Variants in REPS2 observed in about 807,000 individuals in gnomAD.
The protein encoded by REPS2 is ralBP1-associated Eps domain-containing protein 2.
In REPS2, 23 loss-of-function variants were observed where a neutral mutation model predicts 53.6. The observed-to-expected ratio is 0.43, with a 90% CI of 0.31 to 0.61. The LOEUF (loss-of-function observed/expected upper bound fraction) is 0.61, where lower values mean the gene tolerates loss of function less well. REPS2 is among the 20% of genes least tolerant of loss of function. The pLI is 0.11. For synonymous variants in REPS2, 238 were observed against 218.6 expected, an observed-to-expected ratio of 1.09 and a Z score of -0.78; for missense variants, 446 against 534.9, an observed-to-expected ratio of 0.83 and a Z score of 1.64.
chrX:17,189,488 T>C, the REPS2 span, among the ~76,000 whole-genome samples: 1 of 110,853 alleles, frequency 9.0e-6, no homozygotes, highest in Non-Finnish European at 1.9e-5. Flanking sequence ...GGTTTCGTCA[T>C]GTTGCCCAGG....
At chrX:16,991,587 A>G in intron 1 of REPS2, among the ~76,000 whole-genome samples, 1 of 111,493 alleles carries the variant, frequency 9.0e-6, no homozygotes, top group Non-Finnish European at 1.9e-5. Context: ...ATGTGACCTT[A>G]TTTGGAAAGA....
intron 1 of REPS2, among the ~76,000 whole-genome samples, chrX:16,977,421 A>G (rs1016740992): frequency 9.0e-6 from 1 of 111,230 alleles, no homozygotes; most frequent in Non-Finnish European, 1.9e-5. Flanking sequence ...ACCAAAGGCC[A>G]TGTAATGACA....
intron 17 of REPS2, among the ~76,000 whole-genome samples, chrX:17,139,555 A>G (rs1017697098): frequency 2.7e-5 from 3 of 111,393 alleles, no homozygotes; most frequent in Non-Finnish European, 5.7e-5. Context: ...CTATAACAAA[A>G]TACTACAAAT....
chrX:17,125,228 G>C (rs1213655200), intron 14 of REPS2, among the ~76,000 whole-genome samples: 1 of 110,963 alleles, frequency 9.0e-6, no homozygotes, highest in African/African-American at 3.3e-5. Context: ...TACTGCTGAA[G>C]ATTTTGCCCA....
intron 1 of REPS2, among the ~76,000 whole-genome samples, chrX:16,969,775 AGAGGGAGAGAG>A (rs2060859755): frequency 1.5e-5 from 1 of 68,541 alleles, no homozygotes; most frequent in Admixed American, 1.8e-4. Context: ...GGAGAGAGGG[AGAGGGAGAGAG>A]GGAGAGGGAG....
rs1448675754 is a variant in REPS2 at position 17,152,462 on chromosome X, T to C, written c.*4981T>C. ...ATACTCTGGTCTTGCTGTAAGCTAA[T>C]GTCATGGCTGTGGGATATTAGAGAA... On this transcript the variant is annotated 3_prime_UTR_variant, in exon 18 of 18. Coordinates refer to ENST00000357277, the MANE Select transcript of REPS2 (RefSeq NM_004726.3). The C allele has an allele frequency of 1.8e-5, 2 of 112,386 alleles. No individual in the cohort carries two copies. The highest frequency in any genetic ancestry group is 3.8e-5 in the Non-Finnish European group (2 of 53,258). The allele number at this position is 112,386 out of a possible 1,213,427, so 9.3% of individuals were successfully genotyped here. A position where few individuals can be genotyped will look rare whatever the true frequency, so the allele number is the denominator to read the frequency against.
intron 1 of REPS2, among the ~76,000 whole-genome samples, chrX:16,956,094 A>G (rs2060588829): frequency 9.0e-6 from 1 of 111,102 alleles, no homozygotes; most frequent in African/African-American, 3.3e-5. Flanking sequence ...AGCAGATGCA[A>G]ATGCCCTGCC....
chrX:17,031,430 A>G (rs2061707641), intron 5 of REPS2, among the ~76,000 whole-genome samples: 1 of 111,966 alleles, frequency 8.9e-6, no homozygotes, highest in African/African-American at 3.3e-5. Flanking sequence ...TTTTCTGCTG[A>G]CAAACATGCT....
intron 8 of REPS2, among the ~76,000 whole-genome samples, chrX:17,056,813 A>G: frequency 8.9e-6 from 1 of 112,665 alleles, no homozygotes; most frequent in Non-Finnish European, 1.9e-5. Flanking sequence ...AGATGAAGAT[A>G]TAGAATATTC....
At chrX:17,018,203 G>T (rs1261134089) in intron 2 of REPS2, among the ~76,000 whole-genome samples, 3 of 75,060 alleles carry the variant, frequency 4.0e-5, no homozygotes, top group African/African-American at 1.5e-4. Context: ...CCCAGATCCT[G>T]GCAACTGCCT....
At chrX:17,178,031 TG>T in the REPS2 span, among the ~76,000 whole-genome samples, 2 of 111,613 alleles carry the variant, frequency 1.8e-5, no homozygotes, top group African/African-American at 6.5e-5. Context: ...AATGTGGGTA[TG>T]GGGATTGTTC....
chrX:17,088,504 T>G (rs751107777), intron 13 of REPS2, among the ~76,000 whole-genome samples: 1 of 111,064 alleles, frequency 9.0e-6, no homozygotes, highest in African/African-American at 3.3e-5. Flanking sequence ...GAATGTCATC[T>G]TGGCCAACTC....
chrX:17,037,504 C>T (rs1206106347), intron 5 of REPS2, among the ~76,000 whole-genome samples: 4 of 112,061 alleles, frequency 3.6e-5, no homozygotes, highest in East Asian at 2.8e-4. Context: ...TTAGTAGAGA[C>T]GGGGTTTCAC....
intron 14 of REPS2, among the ~76,000 whole-genome samples, chrX:17,125,844 G>A (rs985800226): frequency 8.9e-6 from 1 of 112,230 alleles, no homozygotes; most frequent in African/African-American, 3.2e-5. Context: ...TGATTAGATG[G>A]TGCTTTACCA....
chrX:17,036,215 A>G (rs765936167), intron 5 of REPS2, among the ~76,000 whole-genome samples: 1 of 112,616 alleles, frequency 8.9e-6, no homozygotes, highest in African/African-American at 3.2e-5. Flanking sequence ...ATATATGAAA[A>G]TGTCTGTTTT....
At chrX:17,038,698 G>A (rs2061795716) in intron 5 of REPS2, among the ~76,000 whole-genome samples, 1 of 112,227 alleles carries the variant, frequency 8.9e-6, no homozygotes, top group African/African-American at 3.2e-5. Flanking sequence ...TGGGACTTAT[G>A]CTGACGGGTG....
chrX:16,965,712 G>T (rs1350145372), intron 1 of REPS2, among the ~76,000 whole-genome samples: 5 of 112,872 alleles, frequency 4.4e-5, no homozygotes, highest in Non-Finnish European at 7.5e-5. Context: ...TGGGATGGCG[G>T]CTGGGCAGAG....
the REPS2 span, among the ~76,000 whole-genome samples, chrX:17,160,867 G>A: frequency 1.8e-5 from 2 of 111,849 alleles, no homozygotes; most frequent in East Asian, 2.8e-4. Flanking sequence ...AAAACATAAT[G>A]TCTTTAACTG....
the REPS2 span, among the ~76,000 whole-genome samples, chrX:17,187,254 C>G: frequency 9.0e-6 from 1 of 111,159 alleles, no homozygotes; most frequent in Non-Finnish European, 1.9e-5. Flanking sequence ...TATGGGAGGA[C>G]GGCTCTGCAG....
Sources: gnomAD v4.1 joint callset for allele counts (sites outside exome capture counted in the v4.1 genomes callset) on GRCh38, gnomAD v4.1.1 for gene constraint, MANE v1.5 for transcripts, NCBI Gene and HGNC (gene_info 2026-07-23, HGNC 2026-07-21) for gene names.